SYNE1: variants seen among roughly 807,000 people sequenced by gnomAD.
SYNE1 encodes the protein nesprin-1.
A neutral mutation model predicts 1,111.0 loss-of-function variants in SYNE1; 616 were observed. The observed-to-expected ratio is 0.55, with a 90% CI of 0.52 to 0.59. The LOEUF (loss-of-function observed/expected upper bound fraction) is 0.59, where lower values mean the gene tolerates loss of function less well. Among genes scored for constraint, SYNE1 ranks in the 20% least tolerant of loss-of-function variants. SYNE1 has a pLI of 0.00. For synonymous variants in SYNE1, 3,855 were observed against 3,825.8 expected, an observed-to-expected ratio of 1.01 and a Z score of -0.28; for missense variants, 10,006 against 10,417.0, an observed-to-expected ratio of 0.96 and a Z score of 1.72.
intron 132 of SYNE1, chr6:152,155,254 G>A (rs112563156): frequency 1.6e-5 from 9 of 550,856 alleles, no homozygotes; most frequent in African/African-American, 9.5e-5. Context: ...TTAAAAACAC[G>A]TCCTGCAACT....
intron 139 of SYNE1, among the ~76,000 whole-genome samples, chr6:152,140,686 A>T (rs982957076): frequency 1.3e-5 from 2 of 151,892 alleles, no homozygotes; most frequent in Non-Finnish European, 2.9e-5. Context: ...AATAATAATA[A>T]ATGAAACATG....
At position 152,369,086 on chromosome 6, in the gene SYNE1, G is replaced by C. The variant is rs575077709; in HGVS notation, c.9693C>G (p.Asn3231Lys). 6.2e-7 allele frequency: 1 copy of C among 1,614,120 alleles called. No individual in the cohort carries two copies. The highest frequency in any genetic ancestry group is 8.5e-7 in the Non-Finnish European group (1 of 1,180,042). The change falls in exon 61 of 146, where the codon AAC becomes AAG. Residue 3231 changes from asparagine to lysine, a missense_variant. Around this residue, in one of 7 missense-constraint regions of SYNE1, gnomAD observed 4,955 missense variants for 5,017.2 expected, o/e 0.99. Coordinates refer to ENST00000367255, the MANE Select transcript of SYNE1 (RefSeq NM_182961.4). ...GCTGCTGAGCTTTCTCTTTCAGCCT[G>C]TTGAGCTGAGGCTCGTAGCAGTGTA... ...EEIHCYEPQL[N>K]RLKEKAQQLW...
rs769620903 is a variant in SYNE1 at position 152,444,496 on chromosome 6, C to A, written c.3752G>T (p.Gly1251Val). 2 of 1,613,738 alleles carry A rather than the reference C, an allele frequency of 1.2e-6. No homozygotes were observed. ...AGCTTGTTCCTGGACTTCTTTAGAG[C>A]CAGAAATTAATTCTTCGAGAGAATT... ...VKNSLEELIS[G>V]SKEVQEQAEK... The change falls in exon 30 of 146, where the codon GGC becomes GTC. Residue 1251 changes from glycine (G) to valine (V), a missense_variant. Physicochemically the swap from Gly to Val is moderately radical, Grantham distance 109. This residue lies in a region of SYNE1 where 1,971 missense variants were observed against 2,084.1 expected (regional missense o/e 0.95). Transcript: ENST00000367255.
intron 3 of SYNE1, among the ~76,000 whole-genome samples, chr6:152,617,389 C>T (rs2099659199): frequency 6.6e-6 from 1 of 152,156 alleles, no homozygotes; most frequent in East Asian, 1.9e-4. Flanking sequence ...CCCATAGTAT[C>T]TACCACTCAG....
In SYNE1 at chr6:152,350,333, C is replaced by T; in HGVS notation, c.11736G>A (p.Glu3912=). 1.2e-6 allele frequency: 2 copies of T among 1,614,148 alleles called. No homozygotes were observed. Among genetic ancestry groups the T allele is most frequent in the East Asian group, 2.2e-5 (1 of 44,864 alleles). ...DYQDLCSIGK[E]HVFSLEAKVK... ...CTTTCGCCTCCAGACTGAAGACATG[C>T]TCCTGCAAAACCAGGTGTCCATCAG... Residue 3912 remains glutamate (E), a splice_region_variant and synonymous_variant, in exon 72 of 146, where the codon GAG becomes GAA. Transcript: ENST00000367255.
chr6:152,447,611 A>G lies in SYNE1; in HGVS notation c.3516T>C (p.Asn1172=). The change falls in exon 29 of 146, where the codon AAT becomes AAC. Residue 1172 remains asparagine (N), a synonymous_variant. Transcript: ENST00000367255. ...EVKRAVEEIR[N]GVTKRGETLS... ...GGGTCTCACCCCTTTTGGTAACACC[A>G]TTTCTGATCTCCTGAAATGAGAGAA... 1 of 1,614,226 alleles carries G rather than the reference A, an allele frequency of 6.2e-7. No homozygotes were observed. Among genetic ancestry groups the G allele is most frequent in the Non-Finnish European group, 8.5e-7 (1 of 1,180,034 alleles).
intron 3 of SYNE1, among the ~76,000 whole-genome samples, chr6:152,554,203 A>G (rs1005214377): frequency 6.6e-6 from 1 of 152,142 alleles, no homozygotes; most frequent in Non-Finnish European, 1.5e-5. Context: ...CTAAAAATTT[A>G]AACAGTCCCA....
intron 90 of SYNE1, 71 bp from the exon 91 acceptor site, chr6:152,308,703 G>A: frequency 6.6e-7 from 1 of 1,512,756 alleles, no homozygotes; most frequent in Non-Finnish European, 8.9e-7. Flanking sequence ...AAGTGATTCT[G>A]TAGTTTAACT....
intron 83 of SYNE1, 68 bp downstream of exon 83, chr6:152,321,653 G>T: frequency 6.3e-7 from 1 of 1,582,912 alleles, no homozygotes; most frequent in Non-Finnish European, 8.7e-7. Flanking sequence ...AAACAAGTAT[G>T]TTCAACTAAA....
intron 123 of SYNE1, among the ~76,000 whole-genome samples, chr6:152,212,210 T>C (rs889328875): frequency 6.6e-6 from 1 of 152,164 alleles, no homozygotes; most frequent in Non-Finnish European, 1.5e-5. Flanking sequence ...TTACAATCAT[T>C]ACCACAATCA....
At chr6:152,310,645 T>C in intron 88 of SYNE1, 43 bp downstream of exon 88, 3 of 1,609,734 alleles carry the variant, frequency 1.9e-6, no homozygotes, top group Non-Finnish European at 2.5e-6. Context: ...TTTCTTTCAA[T>C]GATAGACATT....
chr6:152,269,500 G>T (rs751352081), intron 98 of SYNE1, among the ~76,000 whole-genome samples: 15 of 152,124 alleles, frequency 9.9e-5, no homozygotes, highest in South Asian at 2.1e-4. Flanking sequence ...ATCACACATA[G>T]AACTGTTTGA....
rs372832470 is a variant in SYNE1, at chr6:152,442,108, C to T, written c.3975G>A (p.Glu1325=). The T allele has an allele frequency of 1.1e-4, 177 of 1,614,012 alleles. No homozygotes were observed. Among genetic ancestry groups the T allele is most frequent in the Non-Finnish European group, 1.4e-4 (166 of 1,180,044 alleles). The change falls in exon 31 of 146, where the codon GAG becomes GAA. Residue 1325 remains glutamate (E), a synonymous_variant. Coordinates refer to ENST00000367255, the MANE Select transcript of SYNE1 (RefSeq NM_182961.4). ...RKLESTLDGL[E]RSRERQERRI... is the part of the protein sequence containing the mutation. ...GGCGTTCCTGCCTCTCCCGGCTGCG[C>T]TCCAGGCCATCCAGTGTGCTCTCCA... is the stretch of plus-strand genomic sequence containing the variant.
At position 152,180,283 on chromosome 6, in the gene SYNE1, C is replaced by T; in HGVS notation, c.23313G>A (p.Arg7771=). ...WEELCHQLSL[R]RQQIGERLNE... ...TCAATCTTTCACCTATTTGCTGCCG[C>T]CTTAAGGAGAGCTGAAAAGTTTAAA... The change falls in exon 129 of 146, where the codon AGG becomes AGA. Residue 7771 remains arginine (R), a synonymous_variant. Coordinates refer to ENST00000367255, the MANE Select transcript of SYNE1 (RefSeq NM_182961.4). 6.2e-7 allele frequency: 1 copy of T among 1,613,978 alleles called. No homozygotes were observed. The highest frequency in any genetic ancestry group is 8.5e-7 in the Non-Finnish European group (1 of 1,179,976).
chr6:152,412,851 A>ATTTTTTTTTTT (rs373723820), intron 42 of SYNE1, among the ~76,000 whole-genome samples: 135 of 131,632 alleles, frequency 1.0e-3, no homozygotes, highest in East Asian at 4.8e-3. Flanking sequence ...TTCACATGTA[A>ATTTTTTTTTTT]TTTTTTTTTT....
At chr6:152,354,423 G>A (rs1047148844) in intron 67 of SYNE1, among the ~76,000 whole-genome samples, 1 of 152,110 alleles carries the variant, frequency 6.6e-6, no homozygotes, top group Non-Finnish European at 1.5e-5. Context: ...CAAGGTAATA[G>A]GGTATGGAAA....
chr6:152,304,197 A>G (rs555984232), intron 91 of SYNE1, among the ~76,000 whole-genome samples: 1 of 152,244 alleles, frequency 6.6e-6, no homozygotes, highest in African/African-American at 2.4e-5. Flanking sequence ...TGGGTACTCA[A>G]TAAATGACAT....
chr6:152,198,441 C>G (rs907808849), intron 127 of SYNE1, among the ~76,000 whole-genome samples: 1 of 152,202 alleles, frequency 6.6e-6, no homozygotes, highest in Non-Finnish European at 1.5e-5. Context: ...CATGCATTCA[C>G]TGGAGTATTA....
At chr6:152,307,901 T>C (rs968573992) in intron 91 of SYNE1, among the ~76,000 whole-genome samples, 6 of 152,192 alleles carry the variant, frequency 3.9e-5, no homozygotes, top group Non-Finnish European at 5.9e-5. Context: ...GGCGCGATCT[T>C]GGCTCACTGC....
Sources: allele counts gnomAD v4.1 joint callset (sites outside exome capture counted in the v4.1 genomes callset), GRCh38; gene constraint gnomAD v4.1.1; regional missense constraint gnomAD v4.1.1; transcripts MANE v1.5; gene names NCBI Gene and HGNC (gene_info 2026-07-23, HGNC 2026-07-21).